The following CCNY variants were observed in gnomAD, a reference collection of about 807,000 sequenced individuals.
The protein encoded by CCNY is cyclin-Y.
In CCNY, 19 loss-of-function variants were observed where a neutral mutation model predicts 42.8. That is an observed-to-expected ratio of 0.44 (90% confidence interval 0.31 to 0.65). The LOEUF is 0.65. Among genes scored for constraint, CCNY ranks in the 30% least tolerant of loss-of-function variants. CCNY has a pLI of 0.07. For missense variants in CCNY, 370 were observed against 437.3 expected (o/e 0.85, Z 1.37); for synonymous variants, 165 against 162.7 (o/e 1.01, Z -0.11).
chr10:35,250,142 T>C (rs12098266), intron 2 of CCNY, among the ~76,000 whole-genome samples: 53,334 of 144,764 alleles, frequency 0.37, 9,927 homozygotes, highest in African/African-American at 0.47. Context: ...TGCAGTGAGC[T>C]AAGATCGTGC....
At chr10:35,307,760 A>ATATG (rs1835626322) in intron 3 of CCNY, among the ~76,000 whole-genome samples, 6 of 116,160 alleles carry the variant, frequency 5.2e-5, no homozygotes, top group Non-Finnish European at 1.0e-4. Flanking sequence ...ATGTGTATAT[A>ATATG]TGTGTGTGTG....
rs112337319 is a variant in CCNY, at chr10:35,297,305, C to T, written c.-9+46679C>T. On this transcript the variant is annotated intron_variant, in intron 3 of 11. Coordinates refer to the CCNY transcript ENST00000374706. ...AAAGGCTTTTGATAAAATTCAACATCGCTTCATGTTAAAAACTCTCAATAA... is the reference window on the plus strand; with the variant it reads ...AAAGGCTTTTGATAAAATTCAACATTGCTTCATGTTAAAAACTCTCAATAA... Among the ~76,000 whole-genome samples the T allele has an allele frequency of 4.5e-3, 683 of 152,164 alleles. 4 individuals are homozygous for T. Among genetic ancestry groups the T allele is most frequent in the African/African-American group, 0.015 (639 of 41,508 alleles).
At chr10:35,292,607 C>T (rs1259967114) in intron 3 of CCNY, among the ~76,000 whole-genome samples, 1 of 151,910 alleles carries the variant, frequency 6.6e-6, no homozygotes, top group Non-Finnish European at 1.5e-5. Context: ...GTGATCCACC[C>T]TCCTCAGCCT....
chr10:35,296,226 A>G (rs1257349374), intron 3 of CCNY, among the ~76,000 whole-genome samples: 1 of 152,228 alleles, frequency 6.6e-6, no homozygotes, highest in Admixed American at 6.5e-5. Flanking sequence ...CAAAAGGTCA[A>G]TGAACCCAGG....
At chr10:35,541,504 C>G (rs1841000003) in intron 7 of CCNY, among the ~76,000 whole-genome samples, 1 of 152,196 alleles carries the variant, frequency 6.6e-6, no homozygotes, top group African/African-American at 2.4e-5. Context: ...CTCAAGTGAT[C>G]CTGTCCCTGC....
At chr10:35,549,741 A>T (rs560649283) in intron 7 of CCNY, among the ~76,000 whole-genome samples, 1 of 140,350 alleles carries the variant, frequency 7.1e-6, no homozygotes, top group Admixed American at 7.1e-5. Flanking sequence ...CTCATGGCCC[A>T]TGACCCTACA....
chr10:35,264,754 A>G (rs139099095), intron 3 of CCNY, among the ~76,000 whole-genome samples: 2,090 of 152,128 alleles, frequency 0.014, 25 homozygotes, highest in Non-Finnish European at 0.019. Flanking sequence ...TCCCAGGTTC[A>G]AGTGATTCTC....
intron 3 of CCNY, among the ~76,000 whole-genome samples, chr10:35,306,852 C>G (rs1835612207): frequency 6.6e-6 from 1 of 152,112 alleles, no homozygotes; most frequent in African/African-American, 2.4e-5. Flanking sequence ...TCTTAGGGGG[C>G]CAGGAGGATG....
intron 1 of CCNY, among the ~76,000 whole-genome samples, chr10:35,372,513 C>G (rs1169157739): frequency 6.6e-6 from 1 of 152,154 alleles, no homozygotes; most frequent in Non-Finnish European, 1.5e-5. Flanking sequence ...ACTCTTGGCC[C>G]TCTCAGACTC....
intron 3 of CCNY, among the ~76,000 whole-genome samples, chr10:35,258,301 T>C (rs968902006): frequency 6.6e-6 from 1 of 152,236 alleles, no homozygotes; most frequent in Non-Finnish European, 1.5e-5. Context: ...AAAGCTGATG[T>C]CTTCTGAGGC....
intron 1 of CCNY, among the ~76,000 whole-genome samples, chr10:35,426,105 G>GCACACACACACACACACACA (rs1356511719): frequency 3.5e-5 from 2 of 57,970 alleles, no homozygotes. Flanking sequence ...CACTGGTCCA[G>GCACACACACACACACACACA]CACGCGCACA....
At chr10:35,369,296 T>A (rs1400915031) in intron 1 of CCNY, among the ~76,000 whole-genome samples, 2 of 152,210 alleles carry the variant, frequency 1.3e-5, no homozygotes, top group Admixed American at 1.3e-4. Context: ...CCTTGGACCG[T>A]ATTTCCTCCT....
intron 1 of CCNY, among the ~76,000 whole-genome samples, chr10:35,482,768 G>T (rs1475297259): frequency 6.7e-6 from 1 of 148,788 alleles, no homozygotes; most frequent in Non-Finnish European, 1.5e-5. Context: ...GTGTGTGTGT[G>T]TGTGTGTGTG....
At chr10:35,436,900 A>G (rs914128680) in intron 1 of CCNY, among the ~76,000 whole-genome samples, 15 of 152,200 alleles carry the variant, frequency 9.9e-5, no homozygotes, top group African/African-American at 3.6e-4. Flanking sequence ...ATAAAGATAT[A>G]CCTGAGACTG....
At chr10:35,485,736 A>C (rs924802307) in intron 2 of CCNY, among the ~76,000 whole-genome samples, 10 of 148,848 alleles carry the variant, frequency 6.7e-5, no homozygotes, top group African/African-American at 1.0e-4. Flanking sequence ...AAAAAAAAAA[A>C]AAACAAAAAA....
intron 3 of CCNY, among the ~76,000 whole-genome samples, chr10:35,260,122 C>A (rs2095718486): frequency 6.6e-6 from 1 of 152,038 alleles, no homozygotes; most frequent in Admixed American, 6.6e-5. Flanking sequence ...TTTTCCGGTG[C>A]TCTCTTTTCT....
At chr10:35,282,748 G>GAAAAA (rs1835312768) in intron 3 of CCNY, among the ~76,000 whole-genome samples, 2 of 149,058 alleles carry the variant, frequency 1.3e-5, no homozygotes, top group African/African-American at 2.5e-5. Flanking sequence ...GAAAAGAAAA[G>GAAAAA]AAAAAAATAA....
chr10:35,487,458 T>C (rs917756654), intron 2 of CCNY, among the ~76,000 whole-genome samples: 8 of 152,076 alleles, frequency 5.3e-5, no homozygotes, highest in Non-Finnish European at 7.4e-5. Flanking sequence ...ACATTCTCTT[T>C]CCCCTCAGCA....
At chr10:35,567,345 T>C (rs1841592584) in intron 9 of CCNY, among the ~76,000 whole-genome samples, 1 of 152,258 alleles carries the variant, frequency 6.6e-6, no homozygotes, top group South Asian at 2.1e-4. Flanking sequence ...CCGCCTCATA[T>C]GTTCACCAGG....
Sources: allele counts gnomAD v4.1 joint callset (sites outside exome capture counted in the v4.1 genomes callset), GRCh38; gene constraint gnomAD v4.1.1; transcripts MANE v1.5; gene names NCBI Gene and HGNC (gene_info 2026-07-23, HGNC 2026-07-21).